The following NUP93 variants were observed in gnomAD, a reference collection of about 807,000 sequenced individuals.
NUP93 encodes nuclear pore complex protein Nup93.
NUP93 carries 55 observed loss-of-function variants against 107.8 expected under a neutral mutation model. The ratio of observed to expected loss-of-function variants is 0.51; its 90% CI spans 0.41 to 0.64. The LOEUF (loss-of-function observed/expected upper bound fraction) is 0.64. NUP93 is among the 30% of genes least tolerant of loss of function. NUP93 has a pLI of 0.00. For missense variants in NUP93, 937 were observed against 1,044.7 expected (o/e 0.90, Z 1.42); for synonymous variants, 390 against 397.5 (o/e 0.98, Z 0.22).
intron 4 of NUP93, among the ~76,000 whole-genome samples, chr16:56,799,546 G>C (rs1296228122): frequency 6.6e-6 from 1 of 152,194 alleles, no homozygotes; most frequent in Non-Finnish European, 1.5e-5. Flanking sequence ...CTGTGGAATT[G>C]GTTCTAGAAG....
intron 3 of NUP93, among the ~76,000 whole-genome samples, chr16:56,769,385 ACTTTCTCAACCCTGATGTGAACT>A (rs1366960006): frequency 1.3e-5 from 2 of 152,178 alleles, no homozygotes; most frequent in African/African-American, 4.8e-5. Flanking sequence ...GCTGGAGCGT[ACTTTCTCAACCCTGATGTGAACT>A]CTTGCGGAGC....
chr16:56,846,761 G>A lies in NUP93; in HGVS notation c.*2152G>A, dbSNP rs1567417735. 1.3e-5 allele frequency: 2 copies of A among 152,176 alleles called. No homozygotes were observed. Among genetic ancestry groups the A allele is most frequent in the South Asian group, 2.1e-4 (1 of 4,828 alleles). The allele number at this position is 152,176 out of a possible 1,614,324, so 9.4% of individuals were successfully genotyped here. On this transcript the variant is annotated 3_prime_UTR_variant, in exon 22 of 22. Coordinates refer to ENST00000308159, the MANE Select transcript of NUP93 (RefSeq NM_014669.5). ...GACTTTTCATAAAGTGCAACTTAGT[G>A]CTTTGTTTTTCTAATACTAGATTTT...
In NUP93 at chr16:56,845,179, G is replaced by A. The variant is rs148619323; in HGVS notation, c.*570G>A. 315 of 176,548 alleles carry A rather than the reference G, an allele frequency of 1.8e-3. 1 individual carries two copies. The highest frequency in any genetic ancestry group is 6.6e-3 in the Middle Eastern group (3 of 454). 10.9% of individuals were successfully genotyped at this position (176,548 alleles called of 1,614,324 possible). A position where few individuals can be genotyped will look rare whatever the true frequency, so the allele number is the denominator to read the frequency against. On this transcript the variant is annotated 3_prime_UTR_variant, in exon 22 of 22. Coordinates refer to ENST00000308159, the MANE Select transcript of NUP93 (RefSeq NM_014669.5). ...TCAGCTCTGATTGCAGGATTCATCA[G>A]TTTGCCGTTCTGTTGCAATCCCAGT...
intron 3 of NUP93, among the ~76,000 whole-genome samples, chr16:56,779,566 C>T (rs1188615014): frequency 6.6e-6 from 1 of 152,108 alleles, no homozygotes. Flanking sequence ...TTGTTGTGAC[C>T]TCCTTACCTA....
chr16:56,791,700 T>G (rs1219735431), intron 3 of NUP93, among the ~76,000 whole-genome samples: 2 of 152,232 alleles, frequency 1.3e-5, no homozygotes, highest in Non-Finnish European at 2.9e-5. Flanking sequence ...GACTACACGT[T>G]CCTTAGGAGA....
chr16:56,766,272 G>T (rs1166187249), intron 3 of NUP93, among the ~76,000 whole-genome samples: 1 of 152,196 alleles, frequency 6.6e-6, no homozygotes, highest in Non-Finnish European at 1.5e-5. Context: ...TTTGGAACAA[G>T]CCCCGTGGCT....
chr16:56,830,117 A>G (rs1334795157), intron 9 of NUP93, among the ~76,000 whole-genome samples: 1 of 152,200 alleles, frequency 6.6e-6, no homozygotes, highest in East Asian at 1.9e-4. Context: ...CTATAAGGAT[A>G]GTCTCTTACT....
At chr16:56,804,986 C>T (rs1278305561) in intron 4 of NUP93, among the ~76,000 whole-genome samples, 1 of 151,270 alleles carries the variant, frequency 6.6e-6, no homozygotes, top group South Asian at 2.1e-4. Context: ...ATGTTGCAAA[C>T]AGTTGTCAGT....
chr16:56,820,878 A>G (rs1398271062), intron 6 of NUP93, among the ~76,000 whole-genome samples: 1 of 152,224 alleles, frequency 6.6e-6, no homozygotes, highest in Non-Finnish European at 1.5e-5. Context: ...CTAGTTCTAA[A>G]TCTAGAAGAG....
intron 3 of NUP93, among the ~76,000 whole-genome samples, chr16:56,776,767 A>G (rs190545256): frequency 5.9e-5 from 9 of 152,346 alleles, no homozygotes; most frequent in African/African-American, 1.4e-4. Context: ...GTGCTGTGCC[A>G]AGAGCTCTCT....
At position 56,763,059 on chromosome 16, in the gene NUP93, T is replaced by C. The variant is rs74589562; in HGVS notation, c.297+4404T>C. Among the ~76,000 whole-genome samples, 1,253 of 152,284 alleles carry C rather than the reference T, an allele frequency of 8.2e-3. 19 individuals are homozygous for C. The highest frequency in any genetic ancestry group is 0.029 in the African/African-American group (1,214 of 41,546). On this transcript the variant is annotated intron_variant, in intron 3 of 21. Transcript: ENST00000308159. ...GACCAGAGGTTGGGACTTGGACATA[T>C]CTTTTTGTGGGACACACACTTCAAC... is the stretch of plus-strand genomic sequence containing the variant.
At chr16:56,764,497 GAATAAAATTAAAAAATGAATC>G (rs1962184011) in intron 3 of NUP93, among the ~76,000 whole-genome samples, 1 of 152,030 alleles carries the variant, frequency 6.6e-6, no homozygotes, top group South Asian at 2.1e-4. Context: ...CTCAAAAAAT[GAATAAAATTAAAAAATGAATC>G]AATAGTCTTG....
intron 2 of NUP93, among the ~76,000 whole-genome samples, chr16:56,758,025 C>T (rs1219264700): frequency 6.6e-6 from 1 of 151,642 alleles, no homozygotes; most frequent in Non-Finnish European, 1.5e-5. Context: ...GAGCCGAGAT[C>T]ATGCCACTGC....
chr16:56,756,912 C>A (rs1315440747), intron 2 of NUP93, among the ~76,000 whole-genome samples: 1 of 152,008 alleles, frequency 6.6e-6, no homozygotes, highest in African/African-American at 2.4e-5. Context: ...AGCTTTTTTT[C>A]ATATGTTTGT....
At chr16:56,730,424 C>T (rs1961514019) in intron 1 of NUP93, among the ~76,000 whole-genome samples, 1 of 152,144 alleles carries the variant, frequency 6.6e-6, no homozygotes, top group Non-Finnish European at 1.5e-5. Flanking sequence ...CTGGGGGTGC[C>T]TTTCATTCGT....
intron 21 of NUP93, among the ~76,000 whole-genome samples, chr16:56,842,978 T>C (rs1964056640): frequency 6.6e-6 from 1 of 152,244 alleles, no homozygotes; most frequent in Non-Finnish European, 1.5e-5. Context: ...TGATCTGTCT[T>C]CTGCCTCCAA....
At chr16:56,754,995 C>T (rs949328302) in intron 2 of NUP93, among the ~76,000 whole-genome samples, 7 of 152,066 alleles carry the variant, frequency 4.6e-5, no homozygotes, top group African/African-American at 9.7e-5. Flanking sequence ...CAAGTGTTGG[C>T]GAGGATGTGG....
chr16:56,805,364 A>G, intron 4 of NUP93, 140 bp from the exon 5 acceptor site: 1 of 887,516 alleles, frequency 1.1e-6, no homozygotes, highest in Non-Finnish European at 1.7e-6. Flanking sequence ...TTCTTCAAAG[A>G]TAATTTTTAA....
At chr16:56,841,364 A>G (rs1308223042) in intron 20 of NUP93, among the ~76,000 whole-genome samples, 1 of 150,498 alleles carries the variant, frequency 6.6e-6, no homozygotes, top group Admixed American at 6.6e-5. Context: ...CCTGACATTC[A>G]AGTTCAAATT....
Sources: allele counts gnomAD v4.1 joint callset (sites outside exome capture counted in the v4.1 genomes callset), GRCh38; gene constraint gnomAD v4.1.1; transcripts MANE v1.5; gene names NCBI Gene and HGNC (gene_info 2026-07-23, HGNC 2026-07-21).